Variants in NOL4 observed in about 807,000 individuals in gnomAD.
NOL4 encodes nucleolar protein 4, also known as cancer/testis antigen 125.
In NOL4, 17 loss-of-function variants were observed where a neutral mutation model predicts 75.9. The observed-to-expected ratio is 0.22, with a 90% confidence interval of 0.15 to 0.34. NOL4 has a LOEUF of 0.34. Ranked by LOEUF, NOL4 falls within the 10% of genes least tolerant of loss-of-function variation. The pLI is 1.00. For synonymous variants in NOL4, 292 were observed against 289.9 expected (o/e 1.01, Z -0.07); for missense variants, 614 against 793.5 (o/e 0.77, Z 2.72).
chr18:33,862,117 A>G (rs2063171639), intron 10 of NOL4, among the ~76,000 whole-genome samples: 1 of 152,168 alleles, frequency 6.6e-6, no homozygotes, highest in African/African-American at 2.4e-5. Flanking sequence ...ATAAAGCCAC[A>G]TATCTACAAC....
At chr18:34,150,756 T>C (rs915766917) in intron 1 of NOL4, among the ~76,000 whole-genome samples, 4 of 151,726 alleles carry the variant, frequency 2.6e-5, no homozygotes, top group African/African-American at 9.7e-5. Flanking sequence ...GACTTCATTA[T>C]AATTCAAAAC....
chr18:34,184,317 A>T (rs1374784793), intron 1 of NOL4, among the ~76,000 whole-genome samples: 6 of 151,980 alleles, frequency 3.9e-5, no homozygotes, highest in Non-Finnish European at 2.9e-5. Context: ...AATATTTTAT[A>T]TATAATAACA....
intron 9 of NOL4, among the ~76,000 whole-genome samples, chr18:33,892,325 G>A (rs2065141973): frequency 6.6e-6 from 1 of 152,072 alleles, no homozygotes; most frequent in Non-Finnish European, 1.5e-5. Flanking sequence ...TAGCTACTCA[G>A]GAGGCTGAGA....
chr18:34,045,930 C>T (rs893163696), intron 5 of NOL4, among the ~76,000 whole-genome samples: 9 of 152,056 alleles, frequency 5.9e-5, no homozygotes, highest in Non-Finnish European at 1.0e-4. Context: ...ACACATCAAC[C>T]ATCAATCACA....
chr18:34,023,639 G>A, intron 5 of NOL4: 1 of 309,612 alleles, frequency 3.2e-6, no homozygotes, highest in Admixed American at 3.4e-5. Flanking sequence ...GAAAATAAGA[G>A]TGCCCAGGGT....
intron 6 of NOL4, among the ~76,000 whole-genome samples, chr18:33,996,082 G>A (rs1388125605): frequency 6.6e-6 from 1 of 151,536 alleles, no homozygotes; most frequent in Non-Finnish European, 1.5e-5. Flanking sequence ...AAGACTGGAT[G>A]AATTAACCAA....
At chr18:34,183,122 CAG>C (rs2146342476) in intron 1 of NOL4, among the ~76,000 whole-genome samples, 1 of 151,810 alleles carries the variant, frequency 6.6e-6, no homozygotes, top group South Asian at 2.1e-4. Flanking sequence ...AAATAAGTTA[CAG>C]AGTAGGAGGA....
chr18:34,086,944 A>G (rs1273897306), intron 5 of NOL4, among the ~76,000 whole-genome samples: 1 of 152,202 alleles, frequency 6.6e-6, no homozygotes, highest in Non-Finnish European at 1.5e-5. Flanking sequence ...TACATATACT[A>G]GGAATGAACT....
Position 33,867,400 on chromosome 18 carries a change from T to C in NOL4, c.1724-14365A>G, listed in dbSNP as rs1284841523. 5.3e-5 allele frequency among the ~76,000 whole-genome samples: 8 copies of C among 152,242 alleles called. No individual in the cohort carries two copies. The East Asian group carries it at 1.5e-3, about 29-fold the overall frequency. ...TACATCTTTAAAGAGTCTTCAAATATTTCTGGAAATAGATTGAATAAACAC... is the reference window on the plus strand; with the variant it reads ...TACATCTTTAAAGAGTCTTCAAATACTTCTGGAAATAGATTGAATAAACAC... On this transcript the variant is annotated intron_variant, in intron 10 of 10. Transcript: ENST00000261592.
Position 34,223,578 on chromosome 18 carries a change from G to A in NOL4, c.-325C>T, listed in dbSNP as rs1446468589. On this transcript the variant is annotated 5_prime_UTR_variant, in exon 1 of 11. Transcript: ENST00000261592. ...AACACCATTCTGGCCCAGAGGAGCT[G>A]GGTTTTCAATAATTAAAATCCCATT... is the stretch of plus-strand genomic sequence containing the variant. 1 of 332,350 alleles carries A rather than the reference G, an allele frequency of 3.0e-6. No individual in the cohort carries two copies. The highest frequency in any genetic ancestry group is 2.1e-5 in the African/African-American group (1 of 47,216). The allele number at this position is 332,350 out of a possible 1,614,324, so 20.6% of individuals were successfully genotyped here.
At chr18:34,058,429 C>T (rs931073539) in intron 5 of NOL4, among the ~76,000 whole-genome samples, 17 of 152,188 alleles carry the variant, frequency 1.1e-4, no homozygotes, top group Admixed American at 2.0e-4. Flanking sequence ...CCACTGCGCC[C>T]GGCCTCCTTA....
chr18:34,208,118 G>A (rs919542483), intron 1 of NOL4, among the ~76,000 whole-genome samples: 2 of 152,180 alleles, frequency 1.3e-5, no homozygotes, highest in Admixed American at 6.5e-5. Context: ...ATTAAATCCA[G>A]TAGATGAAGG....
intron 5 of NOL4, among the ~76,000 whole-genome samples, chr18:34,065,701 G>A (rs2077245539): frequency 6.6e-6 from 1 of 151,826 alleles, no homozygotes; most frequent in Admixed American, 6.6e-5. Context: ...TATAAATCAT[G>A]CAAATCTATG....
chr18:33,890,190 C>T (rs1345004339), intron 9 of NOL4, among the ~76,000 whole-genome samples: 1 of 152,142 alleles, frequency 6.6e-6, no homozygotes, highest in African/African-American at 2.4e-5. Flanking sequence ...TCAGCAAAGT[C>T]TCAGATACAA....
chr18:34,192,913 G>T (rs541489478), intron 1 of NOL4, among the ~76,000 whole-genome samples: 3 of 152,060 alleles, frequency 2.0e-5, no homozygotes, highest in Non-Finnish European at 4.4e-5. Flanking sequence ...TTTTTCATGC[G>T]CTCTTGCACT....
intron 6 of NOL4, among the ~76,000 whole-genome samples, chr18:33,973,271 G>GT (rs1388567773): frequency 2.6e-5 from 4 of 152,236 alleles, no homozygotes; most frequent in African/African-American, 9.6e-5. Context: ...ATCTGTTCAA[G>GT]TTTTATCATA....
intron 2 of NOL4, among the ~76,000 whole-genome samples, chr18:34,123,844 T>C (rs920922216): frequency 4.2e-4 from 63 of 151,536 alleles, no homozygotes; most frequent in Non-Finnish European, 8.1e-4. Context: ...AACAAAATTA[T>C]CTGTAAAATA....
intron 2 of NOL4, among the ~76,000 whole-genome samples, chr18:34,119,404 C>G (rs952878609): frequency 6.6e-6 from 1 of 152,106 alleles, no homozygotes; most frequent in African/African-American, 2.4e-5. Flanking sequence ...CTTTGAGTTC[C>G]TATCAATCCT....
intron 6 of NOL4, among the ~76,000 whole-genome samples, chr18:33,986,324 T>G (rs1025392857): frequency 6.6e-6 from 1 of 152,120 alleles, no homozygotes; most frequent in Non-Finnish European, 1.5e-5. Flanking sequence ...AACCAAAGTA[T>G]AATGTAAAGG....
Sources: allele counts gnomAD v4.1 joint callset (sites outside exome capture counted in the v4.1 genomes callset), GRCh38; gene constraint gnomAD v4.1.1; transcripts MANE v1.5; gene names NCBI Gene and HGNC (gene_info 2026-07-23, HGNC 2026-07-21).